The following NXPH1 variants were observed in gnomAD, a reference collection of about 807,000 sequenced individuals.
NXPH1 encodes the protein neurexophilin-1.
Under a neutral mutation model 23.7 loss-of-function variants are expected in NXPH1, and 5 were observed. The ratio of observed to expected loss-of-function variants is 0.21; its 90% CI spans 0.11 to 0.44. The LOEUF (loss-of-function observed/expected upper bound fraction) is 0.44. NXPH1 is among the 20% of genes least tolerant of loss of function. The pLI, the probability that NXPH1 is intolerant of heterozygous loss-of-function variation, is 0.99. For missense variants in NXPH1, 324 were observed against 321.6 expected, an observed-to-expected ratio of 1.01 and a Z score of -0.06; for synonymous variants, 144 against 122.2, an observed-to-expected ratio of 1.18 and a Z score of -1.18.
chr7:8,507,709 G>T lies in NXPH1; in HGVS notation c.54+71942G>T, dbSNP rs115384828. On this transcript the variant is annotated intron_variant, in intron 2 of 2. Transcript: ENST00000405863. Reference sequence around the variant, plus strand: ...GGAGTGTTACATTAGAAAGATAACAGCAGGCTTGTAAATTAGTACAGTTTA... The same window carrying T: ...GGAGTGTTACATTAGAAAGATAACATCAGGCTTGTAAATTAGTACAGTTTA... Among the ~76,000 whole-genome samples, 144 of 152,172 alleles carry T rather than the reference G, an allele frequency of 9.5e-4. 1 individual carries two copies. Among genetic ancestry groups the T allele is most frequent in the Middle Eastern group, 3.4e-3 (1 of 294 alleles).
chr7:8,492,672 A>G (rs533038707), intron 2 of NXPH1, among the ~76,000 whole-genome samples: 3 of 151,984 alleles, frequency 2.0e-5, no homozygotes, highest in Non-Finnish European at 4.4e-5. Context: ...CATCACTGCT[A>G]TGACACATTG....
At chr7:8,450,108 C>A (rs991282377) in intron 2 of NXPH1, among the ~76,000 whole-genome samples, 1 of 152,198 alleles carries the variant, frequency 6.6e-6, no homozygotes, top group Non-Finnish European at 1.5e-5. Flanking sequence ...AAAAATGATA[C>A]ATAACATCTG....
At chr7:8,692,750 T>G (rs1821241416) in intron 2 of NXPH1, among the ~76,000 whole-genome samples, 1 of 152,180 alleles carries the variant, frequency 6.6e-6, no homozygotes, top group Admixed American at 6.6e-5. Context: ...TCATACATTT[T>G]TGTGCTATTT....
chr7:8,441,740 C>G (rs1310862667), intron 2 of NXPH1, among the ~76,000 whole-genome samples: 1 of 152,184 alleles, frequency 6.6e-6, no homozygotes. Context: ...TCTTCAAACC[C>G]CTCCGCGCGC....
At chr7:8,541,457 A>C (rs1391241261) in intron 2 of NXPH1, among the ~76,000 whole-genome samples, 1 of 151,676 alleles carries the variant, frequency 6.6e-6, no homozygotes, top group Admixed American at 6.6e-5. Context: ...AATTTTGATA[A>C]AGTTATAAAT....
intron 2 of NXPH1, among the ~76,000 whole-genome samples, chr7:8,683,726 C>T (rs1821096030): frequency 6.6e-6 from 1 of 152,056 alleles, no homozygotes; most frequent in Non-Finnish European, 1.5e-5. Flanking sequence ...TTTGCACCAA[C>T]ATAATTTTTT....
At chr7:8,749,337 CA>C (rs1780526681) in intron 2 of NXPH1, among the ~76,000 whole-genome samples, 1 of 152,096 alleles carries the variant, frequency 6.6e-6, no homozygotes, top group Non-Finnish European at 1.5e-5. Flanking sequence ...CTAACTTGAC[CA>C]GGGGCACACA....
At chr7:8,501,453 A>G (rs1018753901) in intron 2 of NXPH1, among the ~76,000 whole-genome samples, 5 of 152,046 alleles carry the variant, frequency 3.3e-5, no homozygotes, top group African/African-American at 1.2e-4. Context: ...GGGTCCATTC[A>G]TGACTTGGGA....
At chr7:8,745,578 G>T (rs1026639483) in intron 2 of NXPH1, among the ~76,000 whole-genome samples, 3 of 152,104 alleles carry the variant, frequency 2.0e-5, no homozygotes, top group African/African-American at 7.2e-5. Flanking sequence ...CCCCGAAACA[G>T]AGTCTTGCTC....
chr7:8,492,700 G>A (rs553837339), intron 2 of NXPH1, among the ~76,000 whole-genome samples: 3 of 152,122 alleles, frequency 2.0e-5, no homozygotes, highest in South Asian at 2.1e-4. Flanking sequence ...TGTCATGCCT[G>A]AGAGTGGAAA....
At chr7:8,738,671 C>G (rs978655260) in intron 2 of NXPH1, among the ~76,000 whole-genome samples, 4 of 152,206 alleles carry the variant, frequency 2.6e-5, no homozygotes, top group African/African-American at 9.6e-5. Context: ...ATCTGCTGCT[C>G]TATTCAGAGC....
intron 2 of NXPH1, among the ~76,000 whole-genome samples, chr7:8,658,843 T>C (rs1221816060): frequency 1.3e-5 from 2 of 152,166 alleles, no homozygotes; most frequent in East Asian, 1.9e-4. Flanking sequence ...TGAGGTAGAA[T>C]AGATGATTTT....
At chr7:8,522,325 T>C (rs933229929) in intron 2 of NXPH1, among the ~76,000 whole-genome samples, 1 of 152,170 alleles carries the variant, frequency 6.6e-6, no homozygotes, top group Non-Finnish European at 1.5e-5. Context: ...TGTGCAGTGT[T>C]GACAATGCAG....
At chr7:8,501,165 T>C (rs1190282616) in intron 2 of NXPH1, among the ~76,000 whole-genome samples, 1 of 152,114 alleles carries the variant, frequency 6.6e-6, no homozygotes, top group Admixed American at 6.6e-5. Flanking sequence ...TCTAGCTCTT[T>C]TGAGCTCTAG....
chr7:8,622,205 A>G (rs561850828), intron 2 of NXPH1, among the ~76,000 whole-genome samples: 35 of 152,228 alleles, frequency 2.3e-4, no homozygotes, highest in Non-Finnish European at 4.9e-4. Flanking sequence ...ATAATTATTA[A>G]GAACATCACA....
chr7:8,463,272 C>T (rs139879208), intron 2 of NXPH1, among the ~76,000 whole-genome samples: 1 of 151,768 alleles, frequency 6.6e-6, no homozygotes, highest in African/African-American at 2.4e-5. Flanking sequence ...GGAGGTATTA[C>T]CAAATGGTAT....
At chr7:8,500,926 G>A (rs570572199) in intron 2 of NXPH1, among the ~76,000 whole-genome samples, 4 of 152,082 alleles carry the variant, frequency 2.6e-5, no homozygotes, top group South Asian at 4.1e-4. Context: ...GAATATACAC[G>A]TCTTTAGGCA....
At position 8,739,190 on chromosome 7, in the gene NXPH1, A is replaced by AC. The variant is rs1780317873; in HGVS notation, c.55-11818_55-11817insC. On this transcript the variant is annotated intron_variant, in intron 2 of 2. Coordinates refer to ENST00000405863, the MANE Select transcript of NXPH1 (RefSeq NM_152745.3). Reference sequence around the variant, plus strand: ...GTGGGGTAAAAAAAAAAAAAAAAAAAAAAAAAAAAAAAAACCCTGCAGCTA... The same window carrying AC: ...GTGGGGTAAAAAAAAAAAAAAAAAAACAAAAAAAAAAAAAACCCTGCAGCTA... Among the ~76,000 whole-genome samples, 4 of 150,418 alleles carry AC rather than the reference A, an allele frequency of 2.7e-5. No homozygotes were observed. In the South Asian group the frequency reaches 8.4e-4, roughly 32 times the overall value.
chr7:8,614,402 A>G (rs1344740074), intron 2 of NXPH1, among the ~76,000 whole-genome samples: 1 of 151,742 alleles, frequency 6.6e-6, no homozygotes, highest in Non-Finnish European at 1.5e-5. Context: ...GATGCTATAT[A>G]TATGTATTCA....
Sources: gnomAD v4.1 joint callset for allele counts (sites outside exome capture counted in the v4.1 genomes callset) on GRCh38, gnomAD v4.1.1 for gene constraint, MANE v1.5 for transcripts, NCBI Gene and HGNC (gene_info 2026-07-23, HGNC 2026-07-21) for gene names.